The following PRORP variants were observed in gnomAD, a reference collection of about 807,000 sequenced individuals.
PRORP encodes protein only RNase P catalytic subunit.
A neutral mutation model predicts 59.4 loss-of-function variants in PRORP; 51 were observed. The ratio of observed to expected loss-of-function variants is 0.86; its 90% CI spans 0.69 to 1.08. The LOEUF is 1.08. Among genes scored for constraint, PRORP ranks in the 50% least tolerant of loss-of-function variants. The pLI is 0.00. For synonymous variants in PRORP, 231 were observed against 245.6 expected, an observed-to-expected ratio of 0.94 and a Z score of 0.55; for missense variants, 646 against 690.3, an observed-to-expected ratio of 0.94 and a Z score of 0.72.
At chr14:35,216,720 A>G (rs1390504279) in intron 5 of PRORP, among the ~76,000 whole-genome samples, 2 of 152,208 alleles carry the variant, frequency 1.3e-5, no homozygotes, top group Non-Finnish European at 2.9e-5. Context: ...AGAAACTGTC[A>G]GACTTTTTTC....
chr14:35,164,089 G>A (rs1325762062), intron 4 of PRORP, among the ~76,000 whole-genome samples: 1 of 152,140 alleles, frequency 6.6e-6, no homozygotes, highest in East Asian at 1.9e-4. Context: ...TGAGTGTGCA[G>A]CTTTATTTCT....
chr14:35,219,321 G>C (rs2049709116), intron 5 of PRORP: 1 of 152,222 alleles, frequency 6.6e-6, no homozygotes, highest in Non-Finnish European at 1.5e-5. Flanking sequence ...TCTCTGCATG[G>C]TGGAAACATG....
chr14:35,238,372 G>C (rs796954385), intron 5 of PRORP, among the ~76,000 whole-genome samples: 1 of 152,128 alleles, frequency 6.6e-6, no homozygotes. Context: ...TGTAGGTTTG[G>C]ACAGCCTACC....
intron 5 of PRORP, among the ~76,000 whole-genome samples, chr14:35,237,237 C>T (rs1352081438): frequency 1.3e-5 from 2 of 151,922 alleles, no homozygotes; most frequent in African/African-American, 4.8e-5. Context: ...GGACCACAGA[C>T]GTGCGCCACC....
chr14:35,173,328 T>C (rs1310371008), intron 4 of PRORP, among the ~76,000 whole-genome samples: 2 of 152,222 alleles, frequency 1.3e-5, no homozygotes, highest in African/African-American at 4.8e-5. Flanking sequence ...ATTGATTTTT[T>C]GCTAATTTAG....
chr14:35,163,201 G>A (rs760717229), intron 4 of PRORP, among the ~76,000 whole-genome samples: 3 of 151,888 alleles, frequency 2.0e-5, no homozygotes, highest in Admixed American at 6.6e-5. Flanking sequence ...CCTATTACCC[G>A]TGGCTTTTAA....
At chr14:35,164,956 A>G (rs949877145) in intron 4 of PRORP, among the ~76,000 whole-genome samples, 1 of 152,128 alleles carries the variant, frequency 6.6e-6, no homozygotes, top group African/African-American at 2.4e-5. Context: ...ACGTTTGCAA[A>G]GTTTCTCTCC....
intron 5 of PRORP, among the ~76,000 whole-genome samples, chr14:35,249,202 A>G (rs1443522056): frequency 1.3e-5 from 2 of 152,196 alleles, no homozygotes; most frequent in Non-Finnish European, 2.9e-5. Flanking sequence ...GCCAGACTCA[A>G]ATAGGAAAAT....
intron 1 of PRORP, 110 bp downstream of exon 1, chr14:35,122,745 C>G (rs1452654536): frequency 6.4e-6 from 1 of 156,592 alleles, no homozygotes; most frequent in Non-Finnish European, 1.4e-5. Context: ...AGGAGTTTTG[C>G]GGTCTGTAGA....
At chr14:35,183,245 C>G (rs1220170224) in intron 5 of PRORP, among the ~76,000 whole-genome samples, 2 of 152,052 alleles carry the variant, frequency 1.3e-5, no homozygotes, top group African/African-American at 4.8e-5. Context: ...CACACGCACA[C>G]ACACACAATT....
chr14:35,152,639 C>A (rs1174703506), intron 4 of PRORP, among the ~76,000 whole-genome samples: 1 of 151,880 alleles, frequency 6.6e-6, no homozygotes, highest in Admixed American at 6.6e-5. Flanking sequence ...CCAGACAGGG[C>A]GGCTGCCTGG....
chr14:35,149,755 C>T (rs557246602), intron 4 of PRORP, among the ~76,000 whole-genome samples: 16 of 152,250 alleles, frequency 1.1e-4, no homozygotes, highest in Non-Finnish European at 2.1e-4. Context: ...TATTTGTTCA[C>T]TGAAGTAGCA....
At chr14:35,223,262 A>G (rs533749631) in intron 5 of PRORP, among the ~76,000 whole-genome samples, 58 of 150,362 alleles carry the variant, frequency 3.9e-4, no homozygotes, top group East Asian at 1.6e-3. Flanking sequence ...CCTCTCCCCA[A>G]TGCTGGGAGA....
At chr14:35,232,675 C>T (rs1011585543) in intron 5 of PRORP, among the ~76,000 whole-genome samples, 1 of 151,920 alleles carries the variant, frequency 6.6e-6, no homozygotes, top group African/African-American at 2.4e-5. Context: ...CATTCCTTCT[C>T]CTTCCTCTTT....
At chr14:35,153,382 AAG>A (rs2047830602) in intron 4 of PRORP, among the ~76,000 whole-genome samples, 2 of 139,774 alleles carry the variant, frequency 1.4e-5, no homozygotes, top group South Asian at 2.4e-4. Context: ...AGACGGTGGA[AAG>A]AGAGGGAGAG....
chr14:35,202,279 TA>T (rs146949438), intron 5 of PRORP, among the ~76,000 whole-genome samples: 4,364 of 152,190 alleles, frequency 0.029, 91 homozygotes, highest in Non-Finnish European at 0.044. Flanking sequence ...TTTTAAAAGC[TA>T]AAAAACATGA....
At chr14:35,148,506 T>C (rs1171119894) in intron 4 of PRORP, among the ~76,000 whole-genome samples, 1 of 152,198 alleles carries the variant, frequency 6.6e-6, no homozygotes, top group Non-Finnish European at 1.5e-5. Context: ...CCAGGCTTTG[T>C]TCCATTGATA....
intron 5 of PRORP, among the ~76,000 whole-genome samples, chr14:35,265,448 G>A (rs923641535): frequency 2.6e-5 from 4 of 152,156 alleles, no homozygotes; most frequent in African/African-American, 9.7e-5. Flanking sequence ...GAAAAATTGA[G>A]TATAGGCAAG....
chr14:35,179,075 C>T (rs1220278554), intron 4 of PRORP, among the ~76,000 whole-genome samples: 1 of 152,210 alleles, frequency 6.6e-6, no homozygotes, highest in East Asian at 1.9e-4. Flanking sequence ...GGCCCCCACT[C>T]TCTTCTGGCT....
Sources: gnomAD v4.1 joint callset for allele counts (sites outside exome capture counted in the v4.1 genomes callset) on GRCh38, gnomAD v4.1.1 for gene constraint, MANE v1.5 for transcripts, NCBI Gene and HGNC (gene_info 2026-07-23, HGNC 2026-07-21) for gene names.